Variants in RNF111 observed in about 807,000 individuals in gnomAD.
RNF111 encodes the protein ring finger protein 111, also known as E3 ubiquitin-protein ligase Arkadia.
RNF111 carries 17 observed loss-of-function variants against 95.1 expected under a neutral mutation model. The observed-to-expected ratio is 0.18, with a 90% CI of 0.12 to 0.27. The LOEUF is 0.27. RNF111 is among the 10% of genes least tolerant of loss of function. The pLI is 1.00. For missense variants in RNF111, 1,189 were observed against 1,210.4 expected, an observed-to-expected ratio of 0.98 and a Z score of 0.26; for synonymous variants, 440 against 414.8, an observed-to-expected ratio of 1.06 and a Z score of -0.74.
intron 2 of RNF111, among the ~76,000 whole-genome samples, chr15:59,051,948 ATATCT>A (rs1179120308): frequency 2.6e-5 from 4 of 152,250 alleles, no homozygotes; most frequent in South Asian, 4.1e-4. Flanking sequence ...TAAAGGGTTA[ATATCT>A]TATATAGTAG....
chr15:59,058,692 A>G lies in RNF111; in HGVS notation c.1366+142A>G, dbSNP rs1051544594. 5 of 716,134 alleles carry G rather than the reference A, an allele frequency of 7.0e-6. No homozygotes were observed. The African/African-American group carries it at 8.9e-5, about 13-fold the overall frequency. The allele number at this position is 716,134 out of a possible 1,614,324, so 44.4% of individuals were successfully genotyped here. A position where few individuals can be genotyped will look rare whatever the true frequency, so the allele number is the denominator to read the frequency against. ...AATAAACTTCATATGTTATCAAGGT[A>G]GTCTTTATTATAATTAGGCTGATTT... On this transcript the variant is annotated intron_variant, in intron 5 of 13. Transcript: ENST00000348370.
intron 10 of RNF111, among the ~76,000 whole-genome samples, chr15:59,088,925 A>G (rs1166421164): frequency 3.3e-5 from 5 of 152,212 alleles, no homozygotes; most frequent in Admixed American, 3.3e-4. Context: ...CTTGGGTGCC[A>G]TTTTAAACAA....
intron 2 of RNF111, among the ~76,000 whole-genome samples, chr15:59,034,133 C>T (rs2041054218): frequency 6.6e-6 from 1 of 152,172 alleles, no homozygotes; most frequent in African/African-American, 2.4e-5. Flanking sequence ...AATAATGTGG[C>T]TCTTTTTATA....
intron 1 of RNF111, among the ~76,000 whole-genome samples, chr15:58,997,976 C>T (rs987497133): frequency 7.9e-5 from 12 of 151,780 alleles, no homozygotes; most frequent in Middle Eastern, 6.8e-3. Context: ...GCGATCCTGG[C>T]TCACTGTAAT....
At chr15:59,066,634 C>G in intron 5 of RNF111, 130 bp from the exon 6 acceptor site, 2 of 773,188 alleles carry the variant, frequency 2.6e-6, no homozygotes, top group Non-Finnish European at 4.1e-6. Flanking sequence ...GTGGCACTAT[C>G]ACATTATTTA....
At chr15:59,064,728 CA>C (rs2042584787) in intron 5 of RNF111, among the ~76,000 whole-genome samples, 1 of 151,840 alleles carries the variant, frequency 6.6e-6, no homozygotes, top group Non-Finnish European at 1.5e-5. Flanking sequence ...GATTAGCCCC[CA>C]TAGGCCAGAC....
At chr15:59,055,600 T>C (rs1213438986) in intron 3 of RNF111, 82 bp from the exon 4 acceptor site, 3 of 1,078,184 alleles carry the variant, frequency 2.8e-6, no homozygotes, top group Non-Finnish European at 3.8e-6. Context: ...ACTTAACATT[T>C]AGTAAGAAAG....
intron 1 of RNF111, among the ~76,000 whole-genome samples, chr15:58,992,558 C>G (rs905407051): frequency 1.2e-4 from 19 of 152,088 alleles, no homozygotes; most frequent in Non-Finnish European, 2.8e-4. Context: ...TGGCTCATGC[C>G]TGTAATCATA....
chr15:58,991,141 A>T (rs2038797966), intron 1 of RNF111, among the ~76,000 whole-genome samples: 2 of 152,040 alleles, frequency 1.3e-5, no homozygotes. Context: ...AAAAAAAAAT[A>T]CAAAAATTAG....
intron 1 of RNF111, among the ~76,000 whole-genome samples, chr15:59,013,110 A>G (rs1159202107): frequency 5.9e-5 from 9 of 152,126 alleles, no homozygotes; most frequent in African/African-American, 2.2e-4. Flanking sequence ...GAGCAGGGTA[A>G]GCTCCATAGT....
intron 2 of RNF111, among the ~76,000 whole-genome samples, chr15:59,044,965 A>G (rs887624910): frequency 2.0e-5 from 3 of 152,194 alleles, no homozygotes; most frequent in African/African-American, 7.2e-5. Flanking sequence ...TAGAAAAATA[A>G]TGATGTTTAA....
chr15:59,077,934 C>T (rs1295933200), intron 7 of RNF111, among the ~76,000 whole-genome samples: 6 of 152,260 alleles, frequency 3.9e-5, no homozygotes, highest in Admixed American at 6.5e-5. Flanking sequence ...CCAACTTGCC[C>T]GTGCTTTTAA....
At chr15:59,019,458 C>T (rs1219848134) in intron 1 of RNF111, among the ~76,000 whole-genome samples, 5 of 152,006 alleles carry the variant, frequency 3.3e-5, no homozygotes, top group Non-Finnish European at 7.4e-5. Context: ...ATTTGGAGTC[C>T]TTGTTCATCC....
At chr15:59,082,187 A>C (rs1364785247) in intron 8 of RNF111, among the ~76,000 whole-genome samples, 2 of 152,226 alleles carry the variant, frequency 1.3e-5, no homozygotes, top group Non-Finnish European at 2.9e-5. Flanking sequence ...ATGTGTTGAA[A>C]AAACAAGTTT....
chr15:59,097,318 A>G lies in RNF111; in HGVS notation c.*2418A>G, dbSNP rs1208249445. 1 of 152,220 alleles carries G rather than the reference A, an allele frequency of 6.6e-6. No homozygotes were observed. The highest frequency in any genetic ancestry group is 6.5e-5 in the Admixed American group (1 of 15,282). 9.4% of individuals were successfully genotyped at this position (152,220 alleles called of 1,614,324 possible). Reference sequence around the variant, plus strand: ...GTTAACATGCAAGTGATAAACTGATAATTTGAAACATTTTTCTTACTCTGG... The same window carrying G: ...GTTAACATGCAAGTGATAAACTGATGATTTGAAACATTTTTCTTACTCTGG... On this transcript the variant is annotated 3_prime_UTR_variant, in exon 14 of 14. Coordinates refer to ENST00000348370, the MANE Select transcript of RNF111 (RefSeq NM_017610.8).
intron 7 of RNF111, among the ~76,000 whole-genome samples, chr15:59,078,983 T>C (rs1262273533): frequency 5.3e-5 from 8 of 152,126 alleles, no homozygotes; most frequent in Admixed American, 1.3e-4. Flanking sequence ...TAAAGCATAG[T>C]ATTACATCTG....
chr15:59,053,248 C>T (rs1052673491), intron 3 of RNF111, among the ~76,000 whole-genome samples: 4 of 152,170 alleles, frequency 2.6e-5, no homozygotes, highest in Non-Finnish European at 4.4e-5. Flanking sequence ...TGCCCTATTG[C>T]GGAATCACTT....
chr15:58,989,150 G>T (rs1294413546), intron 1 of RNF111, among the ~76,000 whole-genome samples: 1 of 152,062 alleles, frequency 6.6e-6, no homozygotes, highest in African/African-American at 2.4e-5. Context: ...TTACAGTAAA[G>T]ATACATCTTT....
At chr15:59,068,757 T>C (rs550149981) in intron 6 of RNF111, among the ~76,000 whole-genome samples, 5 of 152,238 alleles carry the variant, frequency 3.3e-5, no homozygotes, top group African/African-American at 1.2e-4. Context: ...TTTGATGGTA[T>C]GTCTTCTGGG....
Sources: gnomAD v4.1 joint callset for allele counts (sites outside exome capture counted in the v4.1 genomes callset) on GRCh38, gnomAD v4.1.1 for gene constraint, MANE v1.5 for transcripts, NCBI Gene and HGNC (gene_info 2026-07-23, HGNC 2026-07-21) for gene names.